Variants in RAPGEF1 observed in about 807,000 individuals in gnomAD.
RAPGEF1 encodes the protein Rap guanine nucleotide exchange factor 1.
A neutral mutation model predicts 143.3 loss-of-function variants in RAPGEF1; 33 were observed. That is an observed-to-expected ratio of 0.23 (90% CI 0.17 to 0.31). RAPGEF1 has a LOEUF of 0.31. Among genes scored for constraint, RAPGEF1 ranks in the 10% least tolerant of loss-of-function variants. The pLI is 1.00. For synonymous variants in RAPGEF1, 629 were observed against 676.5 expected (o/e 0.93, Z 1.09); for missense variants, 1,199 against 1,645.4 (o/e 0.73, Z 4.69).
intron 15 of RAPGEF1, among the ~76,000 whole-genome samples, chr9:131,599,809 T>A (rs1955968860): frequency 6.6e-6 from 1 of 152,132 alleles, no homozygotes; most frequent in African/African-American, 2.4e-5. Context: ...ACCCCAGGTA[T>A]CTGAGATGTA....
chr9:131,613,064 C>T (rs141452091), intron 12 of RAPGEF1, among the ~76,000 whole-genome samples: 9 of 152,196 alleles, frequency 5.9e-5, no homozygotes, highest in African/African-American at 1.7e-4. Flanking sequence ...CAGCCTCCCC[C>T]ACATGGCGAC....
intron 1 of RAPGEF1, among the ~76,000 whole-genome samples, chr9:131,657,372 T>C (rs1012102831): frequency 3.3e-5 from 5 of 152,210 alleles, no homozygotes; most frequent in African/African-American, 1.2e-4. Context: ...TGCCACCAAC[T>C]GCTCTCTTGC....
At chr9:131,581,791 G>C (rs1951903602) in intron 25 of RAPGEF1, among the ~76,000 whole-genome samples, 1 of 152,192 alleles carries the variant, frequency 6.6e-6, no homozygotes, top group South Asian at 2.1e-4. Flanking sequence ...GAAAGACAGG[G>C]GCAGTTCCTC....
chr9:131,690,741 G>A (rs746586826), intron 1 of RAPGEF1, among the ~76,000 whole-genome samples: 8 of 152,152 alleles, frequency 5.3e-5, no homozygotes, highest in African/African-American at 1.2e-4. Context: ...ACAGTGAGCC[G>A]AGATTGTGCC....
At chr9:131,737,659 C>CT (rs1837506118) in intron 1 of RAPGEF1, 1 of 1,308,572 alleles carries the variant, frequency 7.6e-7, no homozygotes, top group East Asian at 2.8e-5. Flanking sequence ...TGACAGGCAA[C>CT]TTTTTCCTTT....
chr9:131,623,037 G>A (rs1262519695), intron 10 of RAPGEF1, among the ~76,000 whole-genome samples: 1 of 152,082 alleles, frequency 6.6e-6, no homozygotes, highest in Non-Finnish European at 1.5e-5. Flanking sequence ...CAAAGTGCTG[G>A]GATTACAGGT....
rs1028674791 is a variant in RAPGEF1 at position 131,641,280 on chromosome 9, T to G, written c.494+1959A>C. Reference sequence around the variant, plus strand: ...GGTGATCAGTCGCCTCTTCCCACTGTTCCCCTCTCGTCCATGCTCTAGGAC... The same window carrying G: ...GGTGATCAGTCGCCTCTTCCCACTGGTCCCCTCTCGTCCATGCTCTAGGAC... On this transcript the variant is annotated intron_variant, in intron 4 of 26. Transcript: ENST00000683357. This position sits in a 1 kb window ranked among gnomAD's most constrained non-coding sequence, Gnocchi z 4.6. 1.3e-5 allele frequency among the ~76,000 whole-genome samples: 2 copies of G among 152,108 alleles called. No homozygotes were observed. Among genetic ancestry groups the G allele is most frequent in the Admixed American group, 6.5e-5 (1 of 15,280 alleles).
In RAPGEF1 at chr9:131,696,002, G is replaced by A. The variant is rs547000395; in HGVS notation, c.61+43768C>T. On this transcript the variant is annotated intron_variant, in intron 1 of 26. Coordinates refer to ENST00000683357, the MANE Select transcript of RAPGEF1 (RefSeq NM_001377935.1). ...CTGGCTCAGGAAGATGTCTCATGAA[G>A]CTGCAGTCACCTGAGGCCTGACTGG... Among the ~76,000 whole-genome samples, 4 of 152,354 alleles carry A rather than the reference G, an allele frequency of 2.6e-5. No homozygotes were observed. The East Asian group carries it at 7.7e-4, about 29-fold the overall frequency.
intron 1 of RAPGEF1, among the ~76,000 whole-genome samples, chr9:131,660,111 C>T (rs777567263): frequency 6.6e-6 from 1 of 152,166 alleles, no homozygotes; most frequent in Non-Finnish European, 1.5e-5. Context: ...AGGCACTGCA[C>T]CCGGCCTGGA....
intron 1 of RAPGEF1, among the ~76,000 whole-genome samples, chr9:131,702,518 T>G (rs555406807): frequency 6.6e-6 from 1 of 152,340 alleles, no homozygotes; most frequent in East Asian, 1.9e-4. Flanking sequence ...CAAAATGGTG[T>G]TTGTAAGTGT....
intron 1 of RAPGEF1, among the ~76,000 whole-genome samples, chr9:131,733,374 G>T (rs1034313275): frequency 4.0e-4 from 52 of 129,416 alleles, no homozygotes; most frequent in South Asian, 1.2e-3. Context: ...GCGGGGGGGG[G>T]GGTGGTGCGG....
chr9:131,719,418 T>C (rs1836095070), intron 1 of RAPGEF1, among the ~76,000 whole-genome samples: 2 of 152,168 alleles, frequency 1.3e-5, no homozygotes, highest in Non-Finnish European at 1.5e-5. Flanking sequence ...ACTAGAAAAG[T>C]CTTCAGTCTG....
chr9:131,612,102 C>T (rs987591917), intron 12 of RAPGEF1, among the ~76,000 whole-genome samples: 3 of 152,320 alleles, frequency 2.0e-5, no homozygotes, highest in South Asian at 2.1e-4. Context: ...AGGCACTGGA[C>T]GTGGAACTGG....
At chr9:131,710,857 C>A (rs1835455497) in intron 1 of RAPGEF1, among the ~76,000 whole-genome samples, 1 of 152,162 alleles carries the variant, frequency 6.6e-6, no homozygotes, top group Admixed American at 6.5e-5. Context: ...CCACTGCACT[C>A]CAGCCTGGGT....
intron 1 of RAPGEF1, among the ~76,000 whole-genome samples, chr9:131,677,782 G>C (rs185220322): frequency 3.9e-4 from 60 of 152,312 alleles, no homozygotes; most frequent in Admixed American, 1.3e-3. Flanking sequence ...GAAGGCAAAT[G>C]AAACAGGCTC....
chr9:131,624,248 G>A (rs1022804830), intron 10 of RAPGEF1, among the ~76,000 whole-genome samples: 1 of 152,188 alleles, frequency 6.6e-6, no homozygotes, highest in African/African-American at 2.4e-5. Context: ...GGAGGTAATA[G>A]AGCCTGCCTT....
At position 131,643,429 on chromosome 9, in the gene RAPGEF1, C is replaced by T. The variant is rs766047412; in HGVS notation, c.316-12G>A. The T allele has an allele frequency of 2.3e-5, 37 of 1,608,696 alleles. No individual in the cohort carries two copies. The highest frequency in any genetic ancestry group is 1.8e-4 in the South Asian group (16 of 90,190). On this transcript the variant is annotated splice_polypyrimidine_tract_variant and intron_variant, in intron 3 of 26. Transcript: ENST00000683357. ...AGCCAGCTCAGGTTCTGAAAGGAGA[C>T]GTTAGGCATAAGGAGGAGGAGAGAG...
intron 1 of RAPGEF1, among the ~76,000 whole-genome samples, chr9:131,739,228 G>A (rs1444039002): frequency 6.6e-6 from 1 of 152,206 alleles, no homozygotes; most frequent in Non-Finnish European, 1.5e-5. Context: ...TCCTTGCAGA[G>A]CTGAGCTTGA....
At chr9:131,719,553 CTTTTTTTTTTTTTT>C (rs34413859) in intron 1 of RAPGEF1, among the ~76,000 whole-genome samples, 2 of 72,398 alleles carry the variant, frequency 2.8e-5, no homozygotes, top group Non-Finnish European at 4.8e-5. Context: ...CCCTTCAGGG[CTTTTTTTTTTTTTT>C]TTTTTTTTTT....
Sources: gnomAD v4.1 joint callset for allele counts (sites outside exome capture counted in the v4.1 genomes callset) on GRCh38, gnomAD v4.1.1 for gene constraint, Gnocchi (gnomAD v3.1) non-coding constraint, MANE v1.5 for transcripts, NCBI Gene and HGNC (gene_info 2026-07-23, HGNC 2026-07-21) for gene names.